MAGI2: variants seen among roughly 807,000 people sequenced by gnomAD.
MAGI2 encodes membrane associated guanylate kinase, WW and PDZ domain containing 2.
A neutral mutation model predicts 133.3 loss-of-function variants in MAGI2; 35 were observed. The observed-to-expected ratio is 0.26, with a 90% CI of 0.20 to 0.35. The LOEUF (loss-of-function observed/expected upper bound fraction) is 0.35. MAGI2 is among the 10% of genes least tolerant of loss of function. The probability of loss-of-function intolerance (pLI) is 1.00; values close to 1 mark genes in which losing one functional copy is unlikely to be tolerated. For missense variants in MAGI2, 1,636 were observed against 1,863.4 expected (o/e 0.88, Z 2.25); for synonymous variants, 729 against 710.6 (o/e 1.03, Z -0.41).
In MAGI2 at chr7:79,152,524, A is replaced by G. The variant is rs10282376; in HGVS notation, c.302-145318T>C. ...AGTAAGTGCTATTTGGCTACAATTC[A>G]TCACTAGCACAAAACACAGAAGTTT... is the stretch of plus-strand genomic sequence containing the variant. On this transcript the variant is annotated intron_variant, in intron 1 of 21. Transcript: ENST00000354212. Among the ~76,000 whole-genome samples, 579 of 152,348 alleles carry G rather than the reference A, an allele frequency of 3.8e-3. 1 individual carries two copies. Among genetic ancestry groups the G allele is most frequent in the African/African-American group, 0.013 (561 of 41,590 alleles).
chr7:79,401,048 A>G (rs914738772), intron 1 of MAGI2, among the ~76,000 whole-genome samples: 2 of 152,130 alleles, frequency 1.3e-5, no homozygotes, highest in African/African-American at 2.4e-5. Context: ...ATCAGAGGAT[A>G]TTTTTATTAT....
At chr7:78,721,119 C>T (rs767984667) in intron 2 of MAGI2, among the ~76,000 whole-genome samples, 1 of 151,836 alleles carries the variant, frequency 6.6e-6, no homozygotes, top group African/African-American at 2.4e-5. Flanking sequence ...ATTACATAAC[C>T]AAGAAAAAAA....
chr7:78,711,197 T>A (rs570535669), intron 2 of MAGI2, among the ~76,000 whole-genome samples: 1 of 152,266 alleles, frequency 6.6e-6, no homozygotes, highest in East Asian at 1.9e-4. Flanking sequence ...AAAGGAAACA[T>A]TCATTGTCTA....
intron 21 of MAGI2, among the ~76,000 whole-genome samples, chr7:78,052,991 G>A (rs781531566): frequency 6.6e-6 from 1 of 151,760 alleles, no homozygotes; most frequent in African/African-American, 2.4e-5. Context: ...GGTATAGAAG[G>A]ATATTTATAT....
chr7:78,746,637 A>C (rs1248890665), intron 2 of MAGI2, among the ~76,000 whole-genome samples: 2 of 152,216 alleles, frequency 1.3e-5, no homozygotes, highest in Non-Finnish European at 2.9e-5. Flanking sequence ...CCTACATTTC[A>C]TAGCTGTCTC....
At chr7:78,256,914 C>T (rs566155685) in intron 9 of MAGI2, among the ~76,000 whole-genome samples, 3 of 152,256 alleles carry the variant, frequency 2.0e-5, no homozygotes, top group Admixed American at 2.0e-4. Flanking sequence ...ATCTTATATT[C>T]CATCTTCAGT....
At chr7:79,008,319 G>A (rs550857569) in intron 1 of MAGI2, among the ~76,000 whole-genome samples, 1 of 152,234 alleles carries the variant, frequency 6.6e-6, no homozygotes, top group East Asian at 1.9e-4. Flanking sequence ...CATTATGTAG[G>A]TGTGCACAGG....
intron 2 of MAGI2, among the ~76,000 whole-genome samples, chr7:78,892,294 G>T (rs1796832224): frequency 6.6e-6 from 1 of 152,054 alleles, no homozygotes; most frequent in Admixed American, 6.6e-5. Context: ...CATGAAAATG[G>T]CCATACTGCC....
At chr7:79,247,009 G>C (rs186497762) in intron 1 of MAGI2, among the ~76,000 whole-genome samples, 65 of 152,270 alleles carry the variant, frequency 4.3e-4, no homozygotes, top group Admixed American at 4.1e-3. Flanking sequence ...CATATTAAAA[G>C]TACTGAAGGA....
intron 2 of MAGI2, among the ~76,000 whole-genome samples, chr7:78,915,894 G>A (rs533300946): frequency 1.2e-4 from 19 of 152,106 alleles, no homozygotes; most frequent in East Asian, 3.9e-4. Context: ...AGAAGGTGGC[G>A]TGAGCAGAAA....
rs1827110805 is a variant in MAGI2, at chr7:79,186,226, ATATATATATATATATATTTATATT to A, written c.302-179044_302-179021del. ...TATATATATATATATATATATATAT[ATATATATATATATATATTTATATT>A]TATTTATTTATAAACTACATACATT... On this transcript the variant is annotated intron_variant, in intron 1 of 21. Coordinates refer to ENST00000354212, the MANE Select transcript of MAGI2 (RefSeq NM_012301.4). Among the ~76,000 whole-genome samples, 7 of 60,352 alleles carry A rather than the reference ATATATATATATATATATTTATATT, an allele frequency of 1.2e-4. No individual in the cohort carries two copies. The South Asian group carries it at 4.0e-3, about 34-fold the overall frequency. The allele number at this position is 60,352 out of a possible 152,430, so 39.6% of individuals were successfully genotyped here. A position where few individuals can be genotyped will look rare whatever the true frequency, so the allele number is the denominator to read the frequency against.
At chr7:78,538,679 G>A (rs1228095504) in intron 3 of MAGI2, among the ~76,000 whole-genome samples, 1 of 152,142 alleles carries the variant, frequency 6.6e-6, no homozygotes, top group African/African-American at 2.4e-5. Flanking sequence ...CTACAGATTT[G>A]TGTATAGTGA....
chr7:79,219,422 A>G (rs1830273658), intron 1 of MAGI2, among the ~76,000 whole-genome samples: 1 of 152,028 alleles, frequency 6.6e-6, no homozygotes, highest in African/African-American at 2.4e-5. Flanking sequence ...AATATGTTAT[A>G]TGTATTTGGC....
intron 1 of MAGI2, among the ~76,000 whole-genome samples, chr7:79,406,087 C>T (rs181777902): frequency 1.3e-5 from 2 of 152,080 alleles, no homozygotes; most frequent in Non-Finnish European, 2.9e-5. Context: ...AAGTTAATAA[C>T]CTCAAAGTTT....
rs1271900816 is a variant in MAGI2, at chr7:78,663,800, A to C, written c.419-36561T>G. On this transcript the variant is annotated intron_variant, in intron 2 of 21. Coordinates refer to ENST00000354212, the MANE Select transcript of MAGI2 (RefSeq NM_012301.4). ...CATGTTGTTTCCAAGAGTTATATAA[A>C]TGTGGATTAACCACACACTTGATTT... 2.0e-5 allele frequency among the ~76,000 whole-genome samples: 3 copies of C among 152,198 alleles called. No individual in the cohort carries two copies. In the East Asian group the frequency reaches 5.8e-4, roughly 29 times the overall value.
intron 1 of MAGI2, among the ~76,000 whole-genome samples, chr7:79,020,897 G>A (rs1809263696): frequency 6.6e-6 from 1 of 152,226 alleles, no homozygotes; most frequent in Non-Finnish European, 1.5e-5. Context: ...CAGAGGCCTA[G>A]GAGGAAAAAT....
In MAGI2 at chr7:78,500,496, T is replaced by C. The variant is rs146806524; in HGVS notation, c.965+1081A>G. Among the ~76,000 whole-genome samples, 247 of 152,334 alleles carry C rather than the reference T, an allele frequency of 1.6e-3. 1 individual carries two copies. The highest frequency in any genetic ancestry group is 5.6e-3 in the African/African-American group (233 of 41,594). ...CTTGTGCAAATCAACAATTTAATTT[T>C]GTGCGAAGATTTTCTATTTTGGAAT... On this transcript the variant is annotated intron_variant, in intron 5 of 21. Coordinates refer to ENST00000354212, the MANE Select transcript of MAGI2 (RefSeq NM_012301.4).
At chr7:78,839,496 G>A (rs987646218) in intron 2 of MAGI2, among the ~76,000 whole-genome samples, 6 of 152,024 alleles carry the variant, frequency 3.9e-5, no homozygotes, top group African/African-American at 1.4e-4. Context: ...TTCTGGCACT[G>A]GGTAATTTAT....
At chr7:78,334,280 T>C (rs1789525975) in intron 9 of MAGI2, among the ~76,000 whole-genome samples, 1 of 152,192 alleles carries the variant, frequency 6.6e-6, no homozygotes. Context: ...AGGCAGTAAC[T>C]ACTCATCGGA....
Sources: allele counts gnomAD v4.1 joint callset (sites outside exome capture counted in the v4.1 genomes callset), GRCh38; gene constraint gnomAD v4.1.1; transcripts MANE v1.5; gene names NCBI Gene and HGNC (gene_info 2026-07-23, HGNC 2026-07-21).